Variants in ZNF385B observed in about 807,000 individuals in gnomAD.
ZNF385B encodes the protein zinc finger protein 533.
Under a neutral mutation model 39.2 loss-of-function variants are expected in ZNF385B, and 23 were observed. The ratio of observed to expected loss-of-function variants is 0.59; its 90% CI spans 0.42 to 0.83. The LOEUF is 0.83. Among genes scored for constraint, ZNF385B ranks in the 40% least tolerant of loss-of-function variants. ZNF385B has a pLI of 0.00. For missense variants in ZNF385B, 552 were observed against 598.9 expected, an observed-to-expected ratio of 0.92 and a Z score of 0.82; for synonymous variants, 205 against 222.6, an observed-to-expected ratio of 0.92 and a Z score of 0.70.
intron 3 of ZNF385B, among the ~76,000 whole-genome samples, chr2:179,600,063 C>T (rs1300312184): frequency 6.6e-6 from 1 of 152,136 alleles, no homozygotes; most frequent in Non-Finnish European, 1.5e-5. Context: ...GTATTGTGAT[C>T]TCTCATTTGT....
chr2:179,758,916 T>A (rs1296758153), intron 3 of ZNF385B, among the ~76,000 whole-genome samples: 1 of 152,182 alleles, frequency 6.6e-6, no homozygotes, highest in Non-Finnish European at 1.5e-5. Context: ...AACATTGTTT[T>A]AAAATTTTTT....
chr2:179,481,677 A>G (rs1220165965), intron 6 of ZNF385B, among the ~76,000 whole-genome samples: 1 of 152,154 alleles, frequency 6.6e-6, no homozygotes, highest in Non-Finnish European at 1.5e-5. Context: ...CCATTGTTTT[A>G]TCATTTTACT....
At chr2:179,601,740 T>G (rs1281169232) in intron 3 of ZNF385B, among the ~76,000 whole-genome samples, 1 of 152,186 alleles carries the variant, frequency 6.6e-6, no homozygotes, top group East Asian at 1.9e-4. Context: ...CAAATATTCT[T>G]TGAGGTCAAT....
chr2:179,692,965 G>A (rs1423808531), intron 3 of ZNF385B, among the ~76,000 whole-genome samples: 6 of 152,120 alleles, frequency 3.9e-5, no homozygotes, highest in South Asian at 4.1e-4. Flanking sequence ...CTGGCTACTC[G>A]GTGTGGTCCC....
chr2:179,823,319 A>T (rs1707508796), intron 1 of ZNF385B, among the ~76,000 whole-genome samples: 1 of 152,164 alleles, frequency 6.6e-6, no homozygotes, highest in African/African-American at 2.4e-5. Flanking sequence ...AGATAAAAAG[A>T]TGAAAATGTT....
chr2:179,663,640 G>T (rs543585495), intron 3 of ZNF385B, among the ~76,000 whole-genome samples: 10 of 149,806 alleles, frequency 6.7e-5, no homozygotes, highest in African/African-American at 2.2e-4. Context: ...AACTCGGGAG[G>T]CGGAGCTTGC....
chr2:179,456,814 C>T (rs2050755354), intron 6 of ZNF385B, among the ~76,000 whole-genome samples: 1 of 152,134 alleles, frequency 6.6e-6, no homozygotes, highest in Non-Finnish European at 1.5e-5. Flanking sequence ...AGACCAAGCA[C>T]TATTTTAAGA....
At chr2:179,845,780 A>C (rs570080233) in intron 1 of ZNF385B, among the ~76,000 whole-genome samples, 1 of 152,304 alleles carries the variant, frequency 6.6e-6, no homozygotes, top group South Asian at 2.1e-4. Flanking sequence ...CCATTATCCC[A>C]TATTTACAAC....
intron 3 of ZNF385B, among the ~76,000 whole-genome samples, chr2:179,572,911 C>T (rs1685396158): frequency 2.0e-5 from 3 of 152,108 alleles, no homozygotes; most frequent in Admixed American, 2.0e-4. Context: ...TTGAATGAGG[C>T]TCTCATTTAT....
At chr2:179,545,026 C>G (rs1310507623) in intron 3 of ZNF385B, 57 bp from the exon 4 acceptor site, 2 of 1,609,760 alleles carry the variant, frequency 1.2e-6, no homozygotes, top group Non-Finnish European at 1.7e-6. Flanking sequence ...ATCTCCCTCC[C>G]AAACCTACAG....
intron 6 of ZNF385B, among the ~76,000 whole-genome samples, chr2:179,473,466 C>T (rs530028946): frequency 6.6e-6 from 1 of 152,208 alleles, no homozygotes; most frequent in South Asian, 2.1e-4. Context: ...AGGCAGCTTC[C>T]ATGTATTAGT....
intron 3 of ZNF385B, among the ~76,000 whole-genome samples, chr2:179,683,745 G>A (rs1418237321): frequency 6.6e-6 from 1 of 152,150 alleles, no homozygotes; most frequent in Non-Finnish European, 1.5e-5. Flanking sequence ...CAAAGTGCTA[G>A]GATTACAGGC....
intron 3 of ZNF385B, among the ~76,000 whole-genome samples, chr2:179,730,661 T>C (rs914593640): frequency 2.6e-5 from 4 of 151,970 alleles, no homozygotes; most frequent in Non-Finnish European, 5.9e-5. Context: ...ACTACTTCTA[T>C]ACTGATAAAT....
chr2:179,525,585 G>C (rs775536687), intron 4 of ZNF385B, among the ~76,000 whole-genome samples: 7 of 152,188 alleles, frequency 4.6e-5, no homozygotes, highest in Admixed American at 2.0e-4. Context: ...GTTTGGCTAA[G>C]TATCAACTTT....
intron 1 of ZNF385B, among the ~76,000 whole-genome samples, chr2:179,778,850 TAAC>T (rs1704500635): frequency 6.6e-6 from 1 of 152,174 alleles, no homozygotes. Context: ...TACATGTGCA[TAAC>T]AACAACAAAA....
intron 1 of ZNF385B, among the ~76,000 whole-genome samples, chr2:179,831,738 T>C (rs1707998672): frequency 1.3e-5 from 2 of 152,108 alleles, no homozygotes; most frequent in African/African-American, 2.4e-5. Flanking sequence ...TACTGGGTAT[T>C]TGGGCAAAGG....
chr2:179,776,314 C>A (rs1704312674), intron 1 of ZNF385B, among the ~76,000 whole-genome samples: 1 of 152,160 alleles, frequency 6.6e-6, no homozygotes, highest in African/African-American at 2.4e-5. Context: ...CCTGAGGGAA[C>A]AGGAGGCCTA....
At chr2:179,601,946 G>A (rs1688443158) in intron 3 of ZNF385B, among the ~76,000 whole-genome samples, 3 of 152,194 alleles carry the variant, frequency 2.0e-5, no homozygotes, top group South Asian at 2.1e-4. Flanking sequence ...ACAAGAAAAA[G>A]ATTTTAGGGG....
chr2:179,504,386 A>G (rs1490088516), intron 5 of ZNF385B, among the ~76,000 whole-genome samples: 1 of 152,014 alleles, frequency 6.6e-6, no homozygotes, highest in Non-Finnish European at 1.5e-5. Context: ...CTTTGGGTAT[A>G]TATCCAGTAA....
Sources: allele counts gnomAD v4.1 joint callset (sites outside exome capture counted in the v4.1 genomes callset), GRCh38; gene constraint gnomAD v4.1.1; transcripts MANE v1.5; gene names NCBI Gene and HGNC (gene_info 2026-07-23, HGNC 2026-07-21).